Variants in NLGN1 observed in about 807,000 individuals in gnomAD.
The protein encoded by NLGN1 is neuroligin-1.
NLGN1 carries 12 observed loss-of-function variants against 65.5 expected under a neutral mutation model. The ratio of observed to expected loss-of-function variants is 0.18; its 90% confidence interval spans 0.12 to 0.30. NLGN1 has a LOEUF of 0.30. Ranked by LOEUF, NLGN1 falls within the 10% of genes least tolerant of loss-of-function variation. The pLI is 1.00. For synonymous variants in NLGN1, 350 were observed against 359.5 expected (o/e 0.97, Z 0.30); for missense variants, 750 against 1,007.1 (o/e 0.74, Z 3.46).
intron 2 of NLGN1, among the ~76,000 whole-genome samples, chr3:173,494,804 T>A (rs1200880809): frequency 6.6e-6 from 1 of 151,882 alleles, no homozygotes; most frequent in Admixed American, 6.6e-5. Context: ...TTTGATCATT[T>A]TTTTATATTT....
intron 2 of NLGN1, among the ~76,000 whole-genome samples, chr3:173,527,130 T>C (rs1735778283): frequency 6.6e-6 from 1 of 152,184 alleles, no homozygotes. Context: ...TTTTAGTTTC[T>C]TGAGGAACCT....
intron 3 of NLGN1, among the ~76,000 whole-genome samples, chr3:173,706,392 A>G (rs1768045946): frequency 2.6e-5 from 4 of 152,204 alleles, no homozygotes; most frequent in Admixed American, 2.6e-4. Context: ...TATAAACACT[A>G]TCATAACAAA....
chr3:173,924,083 C>T (rs1314673581), intron 4 of NLGN1, among the ~76,000 whole-genome samples: 1 of 152,060 alleles, frequency 6.6e-6, no homozygotes, highest in Non-Finnish European at 1.5e-5. Context: ...ATTGGAGAAA[C>T]AGAGATCATC....
Position 174,038,664 on chromosome 3 carries a change from T to C in NLGN1, c.646+230832T>C, listed in dbSNP as rs529798836. 5.3e-5 allele frequency among the ~76,000 whole-genome samples: 8 copies of C among 152,316 alleles called. No homozygotes were observed. In the South Asian group the frequency reaches 1.0e-3, roughly 20 times the overall value. Reference sequence around the variant, plus strand: ...GTTACCCCCCTGAGTCCATACCTGGTTAACTTAAGAAAACACCTTCCTTCC... The same window carrying C: ...GTTACCCCCCTGAGTCCATACCTGGCTAACTTAAGAAAACACCTTCCTTCC... On this transcript the variant is annotated intron_variant, in intron 4 of 6. Transcript: ENST00000457714.
chr3:173,587,574 T>C (rs1747712050), intron 2 of NLGN1, among the ~76,000 whole-genome samples: 3 of 152,176 alleles, frequency 2.0e-5, no homozygotes, highest in African/African-American at 7.2e-5. Flanking sequence ...TAGCTCCATC[T>C]TACCCAATAC....
In NLGN1 at chr3:174,280,380, C is replaced by G. The variant is rs879119235; in HGVS notation, c.1650-101C>G. 1.3e-6 allele frequency: 1 copy of G among 783,262 alleles called. No homozygotes were observed. The highest frequency in any genetic ancestry group is 2.0e-6 in the Non-Finnish European group (1 of 494,516). 48.5% of individuals were successfully genotyped at this position (783,262 alleles called of 1,614,324 possible). A position where few individuals can be genotyped will look rare whatever the true frequency, so the allele number is the denominator to read the frequency against. On this transcript the variant is annotated intron_variant, in intron 6 of 6. Coordinates refer to ENST00000457714, the Ensembl canonical transcript of NLGN1. The surrounding 1 kb of genome is among the most constrained non-coding windows in gnomAD (Gnocchi z 4.9). The stretch of plus-strand genomic sequence containing the variant: ...ATTAATGTTAAAACACAATCTAAAG[C>G]ATTGCTGAGTCATCTATTTAATTAT...
rs536857069 is a variant in NLGN1, at chr3:173,516,152, GA to G, written c.-321+81077del. Among the ~76,000 whole-genome samples the G allele has an allele frequency of 2.1e-3, 316 of 152,036 alleles. 2 individuals are homozygous for G. The highest frequency in any genetic ancestry group is 7.3e-3 in the African/African-American group (305 of 41,528). ...GTGCTTCTAAAAATATGCTGATGAG[GA>G]AATCATCCCTGATGATAGTGACAGA... On this transcript the variant is annotated intron_variant, in intron 2 of 6. Coordinates refer to ENST00000457714, the Ensembl canonical transcript of NLGN1.
intron 2 of NLGN1, among the ~76,000 whole-genome samples, chr3:173,539,751 TA>T (rs1231028128): frequency 2.5e-5 from 2 of 81,120 alleles, no homozygotes; most frequent in East Asian, 4.5e-4. Context: ...TGTACATATA[TA>T]ACATATACAT....
chr3:173,635,278 A>C (rs1756400627), intron 3 of NLGN1, among the ~76,000 whole-genome samples: 1 of 152,092 alleles, frequency 6.6e-6, no homozygotes, highest in Non-Finnish European at 1.5e-5. Context: ...GATATTAAGT[A>C]ATTTCAGTTT....
chr3:173,639,807 A>G (rs576075198), intron 3 of NLGN1, among the ~76,000 whole-genome samples: 1 of 152,306 alleles, frequency 6.6e-6, no homozygotes, highest in South Asian at 2.1e-4. Context: ...TATAATGTTC[A>G]CTAAGCAATT....
At chr3:173,657,725 T>C (rs113182034) in intron 3 of NLGN1, among the ~76,000 whole-genome samples, 507 of 151,920 alleles carry the variant, frequency 3.3e-3, no homozygotes, top group African/African-American at 0.012. Context: ...AAGCCCCAGA[T>C]CTGGTTACTT....
At chr3:173,789,875 A>C (rs1712269239) in intron 3 of NLGN1, 1 of 514,750 alleles carries the variant, frequency 1.9e-6, no homozygotes, top group African/African-American at 1.9e-5. Context: ...ACCTCCATGC[A>C]GCTAATCTAG....
chr3:173,926,002 T>C (rs1359542540), intron 4 of NLGN1, among the ~76,000 whole-genome samples: 1 of 152,022 alleles, frequency 6.6e-6, no homozygotes, highest in Non-Finnish European at 1.5e-5. Flanking sequence ...TTTAGTGCTG[T>C]CATTTTCATT....
intron 2 of NLGN1, among the ~76,000 whole-genome samples, chr3:173,500,617 A>C (rs1476626025): frequency 6.6e-6 from 1 of 152,166 alleles, no homozygotes; most frequent in African/African-American, 2.4e-5. Context: ...GAATAGTTTC[A>C]GAAGGAATGG....
At chr3:173,551,587 C>T (rs998637001) in intron 2 of NLGN1, among the ~76,000 whole-genome samples, 5 of 152,116 alleles carry the variant, frequency 3.3e-5, no homozygotes, top group African/African-American at 9.7e-5. Context: ...ACATGTACTC[C>T]GAACGTACTA....
upstream of NLGN1, chr3:173,398,323 T>C (rs1717002413): frequency 6.6e-6 from 1 of 152,180 alleles, no homozygotes; most frequent in Non-Finnish European, 1.5e-5. Context: ...AGAGGTGGTT[T>C]TCAGATCTGT....
intron 4 of NLGN1, among the ~76,000 whole-genome samples, chr3:174,257,554 T>TGGG (rs1202836945): frequency 2.0e-5 from 3 of 152,108 alleles, no homozygotes; most frequent in Admixed American, 2.0e-4. Flanking sequence ...GGGGTACATA[T>TGGG]AGGCCATGGA....
intron 2 of NLGN1, among the ~76,000 whole-genome samples, chr3:173,552,256 T>C: frequency 6.6e-6 from 1 of 152,144 alleles, no homozygotes; most frequent in East Asian, 1.9e-4. Context: ...CCTATGGAAA[T>C]CACTCTCAAC....
At chr3:173,610,819 A>G (rs1752164418) in intron 3 of NLGN1, among the ~76,000 whole-genome samples, 1 of 152,010 alleles carries the variant, frequency 6.6e-6, no homozygotes, top group Admixed American at 6.6e-5. Context: ...CTTAACATAA[A>G]TAATTATTTT....
Sources: allele counts gnomAD v4.1 joint callset (sites outside exome capture counted in the v4.1 genomes callset), GRCh38; gene constraint gnomAD v4.1.1; non-coding constraint Gnocchi (gnomAD v3.1); transcripts MANE v1.5; gene names NCBI Gene and HGNC (gene_info 2026-07-23, HGNC 2026-07-21).